The following RNF32 variants were observed in gnomAD, a reference collection of about 807,000 sequenced individuals.
RNF32 encodes ring finger protein 32.
A neutral mutation model predicts 41.0 loss-of-function variants in RNF32; 36 were observed. The observed-to-expected ratio is 0.88, with a 90% CI of 0.67 to 1.16. The LOEUF (loss-of-function observed/expected upper bound fraction) is 1.16. Ranked by LOEUF, RNF32 falls within the 50% of genes most tolerant of loss-of-function variation. The pLI is 0.00. For missense variants in RNF32, 413 were observed against 436.7 expected, an observed-to-expected ratio of 0.95 and a Z score of 0.48; for synonymous variants, 154 against 160.9, an observed-to-expected ratio of 0.96 and a Z score of 0.32.
At position 156,658,740 on chromosome 7, in the gene RNF32, C is replaced by T. The variant is rs533807070; in HGVS notation, c.684+170C>T. On this transcript the variant is annotated intron_variant, in intron 7 of 8. Transcript: ENST00000317955. Reference sequence around the variant, plus strand: ...TCCTGTTTAACTTTAGTTGGCTTTCCAACCTAGATGTTCAAATACTTCTAG... The same window carrying T: ...TCCTGTTTAACTTTAGTTGGCTTTCTAACCTAGATGTTCAAATACTTCTAG... The T allele has an allele frequency of 8.7e-4, 700 of 802,088 alleles. 3 individuals are homozygous for T. In the African/African-American group the frequency reaches 0.011, roughly 13 times the overall value. 49.7% of individuals were successfully genotyped at this position (802,088 alleles called of 1,614,324 possible). A position where few individuals can be genotyped will look rare whatever the true frequency, so the allele number is the denominator to read the frequency against.
rs544655520 is a variant in RNF32 at position 156,676,620 on chromosome 7, C to T, written c.1054C>T (p.Arg352Cys). 8.1e-6 allele frequency: 13 copies of T among 1,614,012 alleles called. No individual in the cohort carries two copies. The Admixed American group carries it at 1.3e-4, about 17-fold the overall frequency. The change falls in exon 9 of 9, where the codon CGC becomes TGC. Residue 352 changes from arginine (R) to cysteine (C), a missense_variant. Arg to Cys is a radical substitution (Grantham distance 180). Transcript: ENST00000317955. ...TCCTTTCCATGCCTGTCCTCTCTGC[C>T]GCTCCTGCTACCAGAAGAAGATTCT... The part of the protein sequence containing the change: ...RPPFHACPLC[R>C]SCYQKKILEC
chr7:156,664,416 G>A (rs1387785772), intron 7 of RNF32, among the ~76,000 whole-genome samples: 11 of 152,088 alleles, frequency 7.2e-5, no homozygotes, highest in Non-Finnish European at 1.2e-4. Flanking sequence ...AGCCAAGATC[G>A]TGCCATTGCA....
At chr7:156,668,410 A>G (rs971233209) in intron 7 of RNF32, among the ~76,000 whole-genome samples, 1 of 152,164 alleles carries the variant, frequency 6.6e-6, no homozygotes, top group African/African-American at 2.4e-5. Flanking sequence ...AGAAGGAAGG[A>G]GGGTGGCCCA....
rs1293759282 is a variant in RNF32, at chr7:156,670,552, A to G, written c.685-5144A>G. Among the ~76,000 whole-genome samples the G allele has an allele frequency of 6.6e-6, 1 of 152,210 alleles. No individual in the cohort carries two copies. The highest frequency in any genetic ancestry group is 1.5e-5 in the Non-Finnish European group (1 of 68,044). On this transcript the variant is annotated intron_variant, in intron 7 of 8. Coordinates refer to ENST00000317955, the MANE Select transcript of RNF32 (RefSeq NM_030936.4). This position sits in a 1 kb window ranked among gnomAD's most constrained non-coding sequence, Gnocchi z 4.3. ...GATTTAAGAAGCCCAAGGAAGCCCA[A>G]TATGATTTTGTTTTAAGTGTCTAGT...
rs1804054491 is a variant in RNF32, at chr7:156,676,413, C to T, written c.853-6C>T. On this transcript the variant is annotated splice_polypyrimidine_tract_variant and splice_region_variant and intron_variant, in intron 8 of 8. Coordinates refer to ENST00000317955, the MANE Select transcript of RNF32 (RefSeq NM_030936.4). ...GCGTGGCCTCTTCCCGTCCTGTGTG[C>T]CGCAGGCTCTGCGCCGGGAGACCCA... is the stretch of plus-strand genomic sequence containing the variant. 3 of 1,614,062 alleles carry T rather than the reference C, an allele frequency of 1.9e-6. No individual in the cohort carries two copies. Among genetic ancestry groups the T allele is most frequent in the Non-Finnish European group, 2.5e-6 (3 of 1,179,984 alleles).
chr7:156,672,481 C>G (rs1802771690), intron 7 of RNF32, among the ~76,000 whole-genome samples: 1 of 152,142 alleles, frequency 6.6e-6, no homozygotes, highest in African/African-American at 2.4e-5. Context: ...TTAGGAGTCA[C>G]CCAACACAGT....
chr7:156,640,206 G>GGGGGGATC (rs1797098783), upstream of RNF32: 5 of 453,480 alleles, frequency 1.1e-5, no homozygotes, highest in Non-Finnish European at 2.2e-5. Context: ...TGAGCGGCGC[G>GGGGGGATC]GGGGGATCGG....
intron 1 of RNF32, among the ~76,000 whole-genome samples, chr7:156,641,336 AC>A: frequency 6.6e-6 from 1 of 152,208 alleles, no homozygotes; most frequent in South Asian, 2.1e-4. Context: ...TCGCTTTGGC[AC>A]CCCAGTGATC....
chr7:156,676,229 CAG>C (rs1803969572), intron 8 of RNF32, 188 bp from the exon 9 acceptor site: 4 of 1,497,492 alleles, frequency 2.7e-6, no homozygotes, highest in Non-Finnish European at 3.6e-6. Context: ...CCAGGAGTAA[CAG>C]AGTATATGTG....
In RNF32 at chr7:156,670,543, GGAAGCCCAATAT is replaced by G. The variant is rs1802262796; in HGVS notation, c.685-5150_685-5139del. On this transcript the variant is annotated intron_variant, in intron 7 of 8. Transcript: ENST00000317955. The surrounding 1 kb of genome is among the most constrained non-coding windows in gnomAD (Gnocchi z 4.3). Reference sequence around the variant, plus strand: ...CAAGCCACAGATTTAAGAAGCCCAAGGAAGCCCAATATGATTTTGTTTTAAGTGTCTAGTGAG... The same window carrying G: ...CAAGCCACAGATTTAAGAAGCCCAAGGATTTTGTTTTAAGTGTCTAGTGAG... 2.0e-5 allele frequency among the ~76,000 whole-genome samples: 3 copies of G among 152,192 alleles called. No individual in the cohort carries two copies. The South Asian group carries it at 6.2e-4, about 32-fold the overall frequency.
At chr7:156,675,044 C>T (rs1471345255) in intron 7 of RNF32, among the ~76,000 whole-genome samples, 2 of 152,166 alleles carry the variant, frequency 1.3e-5, no homozygotes, top group Admixed American at 6.5e-5. Context: ...GAAAATTACA[C>T]GGATTTACTT....
intron 3 of RNF32, among the ~76,000 whole-genome samples, chr7:156,651,232 G>A (rs1197712426): frequency 1.3e-5 from 1 of 78,262 alleles, no homozygotes; most frequent in Admixed American, 1.4e-4. Context: ...TTTTTTTTTT[G>A]ACACACAGTC....
chr7:156,674,155 G>A (rs1368893718), intron 7 of RNF32, among the ~76,000 whole-genome samples: 1 of 152,214 alleles, frequency 6.6e-6, no homozygotes, highest in Admixed American at 6.5e-5. Context: ...GTGACTGAAA[G>A]CCAGAGCTTC....
At chr7:156,641,268 A>AC (rs1485912845) in intron 1 of RNF32, among the ~76,000 whole-genome samples, 3 of 152,264 alleles carry the variant, frequency 2.0e-5, no homozygotes, top group Non-Finnish European at 4.4e-5. Flanking sequence ...TTGCATCTTT[A>AC]CGTCGTAGGC....
chr7:156,659,674 T>TA (rs1191073519), intron 7 of RNF32: 1 of 924,368 alleles, frequency 1.1e-6, no homozygotes, highest in South Asian at 5.0e-5. Context: ...CTCTTGAAGA[T>TA]AAAGGCCCAC....
intron 3 of RNF32, chr7:156,646,525 C>G (rs1377511963): frequency 2.3e-6 from 3 of 1,290,286 alleles, no homozygotes; most frequent in Admixed American, 4.6e-5. Flanking sequence ...TGCAAAGACC[C>G]TATTTCCAAA....
At chr7:156,667,920 G>A (rs144377461) in intron 7 of RNF32, among the ~76,000 whole-genome samples, 207 of 152,286 alleles carry the variant, frequency 1.4e-3, no homozygotes, top group African/African-American at 4.4e-3. Flanking sequence ...TAAAGTTGAC[G>A]TTTTACTGAA....
rs114240843 is a variant in RNF32, at chr7:156,656,520, T to C, written c.418-1021T>C. On this transcript the variant is annotated intron_variant, in intron 4 of 8. Transcript: ENST00000317955. ...GAGTTTATTCAATTCAGACTTACTC[T>C]TGGCAATAAGTTTCAAGAAAAGGTT... Among the ~76,000 whole-genome samples, 880 of 152,352 alleles carry C rather than the reference T, an allele frequency of 5.8e-3. 7 individuals carry two copies. The highest frequency in any genetic ancestry group is 0.02 in the African/African-American group (844 of 41,564).
intron 3 of RNF32, chr7:156,654,306 T>C (rs1799266181): frequency 3.4e-6 from 1 of 296,300 alleles, no homozygotes; most frequent in Non-Finnish European, 6.2e-6. Flanking sequence ...TAGGAATTAT[T>C]GGTAATCGAG....
Sources: allele counts gnomAD v4.1 joint callset (sites outside exome capture counted in the v4.1 genomes callset), GRCh38; gene constraint gnomAD v4.1.1; non-coding constraint Gnocchi (gnomAD v3.1); transcripts MANE v1.5; gene names NCBI Gene and HGNC (gene_info 2026-07-23, HGNC 2026-07-21).